The following F5 variants were observed in gnomAD, a reference collection of about 807,000 sequenced individuals.
The protein encoded by F5 is activated protein c cofactor.
In F5, 138 loss-of-function variants were observed where a neutral mutation model predicts 216.4. The observed-to-expected ratio is 0.64, with a 90% CI of 0.56 to 0.73. The LOEUF is 0.73. F5 is among the 30% of genes least tolerant of loss of function. The pLI, the probability that F5 is intolerant of heterozygous loss-of-function variation, is 0.00. For synonymous variants in F5, 916 were observed against 930.7 expected (o/e 0.98, Z 0.29); for missense variants, 2,403 against 2,674.0 (o/e 0.90, Z 2.24).
At chr1:169,554,612 G>C (rs1037390248) in intron 7 of F5, among the ~76,000 whole-genome samples, 2 of 152,170 alleles carry the variant, frequency 1.3e-5, no homozygotes, top group African/African-American at 4.8e-5. Flanking sequence ...TTAGAATTTT[G>C]ATACATATTG....
chr1:169,541,667 A>G lies in F5; in HGVS notation c.3423T>C (p.Thr1141=). 1.9e-6 allele frequency: 3 copies of G among 1,614,124 alleles called. No homozygotes were observed. Among genetic ancestry groups the G allele is most frequent in the Non-Finnish European group, 2.5e-6 (3 of 1,180,002 alleles). The change falls in exon 13 of 25, where the codon ACT becomes ACC. Residue 1141 remains threonine (T), a synonymous_variant. Coordinates refer to ENST00000367797, the MANE Select transcript of F5 (RefSeq NM_000130.5). Reference sequence around the variant, plus strand: ...AAGAGGATCTGTGACTGGGGTCTGAAGTAGAGTGCATTTGATCAGGGTCTT... The same window carrying G: ...AAGAGGATCTGTGACTGGGGTCTGAGGTAGAGTGCATTTGATCAGGGTCTT... ...PIQDPDQMHS[T]SDPSHRSSSP... is the part of the protein sequence containing the mutation.
chr1:169,546,304 C>T, intron 11 of F5, 138 bp downstream of exon 11: 1 of 1,051,628 alleles, frequency 9.5e-7, no homozygotes, highest in Non-Finnish European at 1.4e-6. Context: ...ATTTCATCAC[C>T]AAGTCTTTGG....
At position 169,541,937 on chromosome 1, in the gene F5, T is replaced by C. The variant is rs532176510; in HGVS notation, c.3153A>G (p.Leu1051=). The change falls in exon 13 of 25, where the codon CTA becomes CTG. Residue 1051 remains leucine, a synonymous_variant. Coordinates refer to ENST00000367797, the MANE Select transcript of F5 (RefSeq NM_000130.5). The stretch of plus-strand genomic sequence containing the variant: ...AAAATGTGTTGTAGGCTTCACTTCT[T>C]AGAGGGTGAAAGGTCCTCGGAGATA... ...APLSPRTFHP[L]RSEAYNTFSE... 2 of 1,614,142 alleles carry C rather than the reference T, an allele frequency of 1.2e-6. No individual in the cohort carries two copies. The highest frequency in any genetic ancestry group is 2.7e-5 in the African/African-American group (2 of 75,046).
chr1:169,564,900 T>C (rs938300061), intron 3 of F5, among the ~76,000 whole-genome samples: 1 of 152,106 alleles, frequency 6.6e-6, no homozygotes, highest in Non-Finnish European at 1.5e-5. Context: ...AAACCATAAG[T>C]TGAGTAGGTA....
rs1057407526 is a variant in F5, at chr1:169,513,249, AT to A, written c.*1063del. On this transcript the variant is annotated 3_prime_UTR_variant, in exon 25 of 25. Coordinates refer to ENST00000367797, the MANE Select transcript of F5 (RefSeq NM_000130.5). Reference sequence around the variant, plus strand: ...GTAACAAATCCATAATCTCACATAAATTTTTTTTGGTTGCTCTTTTAACACT... The same window carrying A: ...GTAACAAATCCATAATCTCACATAAATTTTTTTGGTTGCTCTTTTAACACT... Among the ~76,000 whole-genome samples the A allele has an allele frequency of 1.8e-4, 28 of 151,930 alleles. No individual in the cohort carries two copies. The highest frequency in any genetic ancestry group is 1.6e-3 in the Admixed American group (24 of 15,244).
chr1:169,515,463 T>G lies in F5; in HGVS notation c.6509A>C (p.Lys2170Thr). The change falls in exon 24 of 25, where the codon AAA (lysine) becomes ACA (threonine). Residue 2170 changes from lysine to threonine, a missense_variant. Physicochemically the swap from Lys to Thr is moderately conservative, Grantham distance 78. Coordinates refer to ENST00000367797, the MANE Select transcript of F5 (RefSeq NM_000130.5). ...CTCTACCTTGTCCACCATGGAGGAT[T>G]TCAGCCTGTATGGTTTCCATTCCAC... Reference protein sequence around the residue: ...QGVEWKPYRLKSSMVDKIFEG... With the variant: ...QGVEWKPYRLTSSMVDKIFEG... The G allele has an allele frequency of 6.2e-7, 1 of 1,613,420 alleles. No individual in the cohort carries two copies. Among genetic ancestry groups the G allele is most frequent in the Non-Finnish European group, 8.5e-7 (1 of 1,179,574 alleles).
At position 169,515,639 on chromosome 1, in the gene F5, C is replaced by CA. The variant is rs1659140164; in HGVS notation, c.6346-14dup. ...TATTGTTGTTTGCCTATGAAAATGA[C>CA]AAAAACACATAGATAAGGAAGATGT... On this transcript the variant is annotated splice_polypyrimidine_tract_variant and intron_variant, in intron 23 of 24. Coordinates refer to ENST00000367797, the MANE Select transcript of F5 (RefSeq NM_000130.5). 6.2e-7 allele frequency: 1 copy of CA among 1,610,934 alleles called. No homozygotes were observed. The highest frequency in any genetic ancestry group is 8.5e-7 in the Non-Finnish European group (1 of 1,178,910).
chr1:169,572,353 CA>C lies in F5; in HGVS notation c.251-11del, dbSNP rs759058278. 2 of 1,612,660 alleles carry C rather than the reference CA, an allele frequency of 1.2e-6. No homozygotes were observed. The highest frequency in any genetic ancestry group is 1.7e-6 in the Non-Finnish European group (2 of 1,179,472). On this transcript the variant is annotated splice_polypyrimidine_tract_variant and intron_variant, in intron 2 of 24. Transcript: ENST00000367797. ...GTAGGCCCAAGAAGTCCTGTGAAAA[CA>C]AATATTTAAACTATGTCTGTATTCA...
Position 169,540,338 on chromosome 1 carries a change from A to G in F5, c.4752T>C (p.Ile1584=). 2 of 1,613,940 alleles carry G rather than the reference A, an allele frequency of 1.2e-6. No homozygotes were observed. The highest frequency in any genetic ancestry group is 1.7e-6 in the Non-Finnish European group (2 of 1,179,894). Residue 1584 remains isoleucine, a synonymous_variant, in exon 13 of 25, where the codon ATT becomes ATC. Coordinates refer to ENST00000367797, the MANE Select transcript of F5 (RefSeq NM_000130.5). ...SNNGNRRNYY[I]AAEEISWDYS... ...AATCCCAGGATATTTCTTCAGCAGC[A>G]ATGTAATAATTTCTTCTGTTTCCAT...
chr1:169,553,837 T>C (rs531283306), intron 7 of F5, among the ~76,000 whole-genome samples: 10 of 152,348 alleles, frequency 6.6e-5, no homozygotes, highest in Admixed American at 6.5e-5. Flanking sequence ...GGAACACTTA[T>C]ACACTCTTGG....
At chr1:169,524,725 A>T (rs1659395049) in intron 19 of F5, 112 bp downstream of exon 19, 2 of 920,708 alleles carry the variant, frequency 2.2e-6, no homozygotes, top group East Asian at 5.0e-5. Context: ...AGTAGAGAAA[A>T]GCATAAAGAG....
intron 2 of F5, among the ~76,000 whole-genome samples, chr1:169,581,852 G>A (rs1014717903): frequency 3.3e-5 from 5 of 152,202 alleles, no homozygotes; most frequent in South Asian, 2.1e-4. Context: ...AAGAATAGAC[G>A]GGAAAGAGAT....
Position 169,515,699 on chromosome 1 carries a change from C to A in F5, c.6346-73G>T, listed in dbSNP as rs1488908531. ...TGCTTTTTTTTTAGACCAAGTTATGCAAAAAAGCACAGAGCTCAAAAGGAT... is the reference window on the plus strand; with the variant it reads ...TGCTTTTTTTTTAGACCAAGTTATGAAAAAAAGCACAGAGCTCAAAAGGAT... On this transcript the variant is annotated intron_variant, in intron 23 of 24. Coordinates refer to ENST00000367797, the MANE Select transcript of F5 (RefSeq NM_000130.5). The A allele has an allele frequency of 3.4e-6, 5 of 1,451,532 alleles. No homozygotes were observed. The East Asian group carries it at 1.1e-4, about 33-fold the overall frequency. 89.9% of individuals were successfully genotyped at this position (1,451,532 alleles called of 1,614,324 possible). A position where few individuals can be genotyped will look rare whatever the true frequency, so the allele number is the denominator to read the frequency against.
At chr1:169,583,230 A>G (rs1247601019) in intron 1 of F5, among the ~76,000 whole-genome samples, 1 of 152,210 alleles carries the variant, frequency 6.6e-6, no homozygotes, top group Non-Finnish European at 1.5e-5. Flanking sequence ...CTGTACCTCT[A>G]AAGGCAAATC....
intron 12 of F5, among the ~76,000 whole-genome samples, chr1:169,543,663 T>C (rs977656413): frequency 1.3e-5 from 2 of 152,224 alleles, no homozygotes; most frequent in African/African-American, 2.4e-5. Context: ...ATGGCATGCA[T>C]TGCTGGAACA....
intron 14 of F5, among the ~76,000 whole-genome samples, chr1:169,532,171 C>A (rs1470946658): frequency 6.6e-6 from 1 of 152,140 alleles, no homozygotes; most frequent in Non-Finnish European, 1.5e-5. Flanking sequence ...AAACCCTCAA[C>A]AAACTAGGCA....
intron 14 of F5, among the ~76,000 whole-genome samples, chr1:169,535,427 T>C (rs986270685): frequency 4.6e-5 from 7 of 152,156 alleles, no homozygotes; most frequent in Non-Finnish European, 1.0e-4. Context: ...ATGCAAGTGG[T>C]TTTTGGTTAC....
At chr1:169,537,920 G>T (rs568092470) in intron 13 of F5, among the ~76,000 whole-genome samples, 1 of 152,066 alleles carries the variant, frequency 6.6e-6, no homozygotes, top group African/African-American at 2.4e-5. Flanking sequence ...AGTATGGGAG[G>T]TTCCTTTAAA....
At chr1:169,555,076 A>G (rs1034989779) in intron 7 of F5, 106 bp downstream of exon 7, 10 of 1,255,248 alleles carry the variant, frequency 8.0e-6, no homozygotes, top group African/African-American at 7.4e-5. Flanking sequence ...AAACCAATAC[A>G]TGTGTCCCCT....
Sources: gnomAD v4.1 joint callset for allele counts (sites outside exome capture counted in the v4.1 genomes callset) on GRCh38, gnomAD v4.1.1 for gene constraint, MANE v1.5 for transcripts, NCBI Gene and HGNC (gene_info 2026-07-23, HGNC 2026-07-21) for gene names.